CMIP: variants seen among roughly 807,000 people sequenced by gnomAD.
The protein encoded by CMIP is c-Maf inducing protein.
CMIP carries 13 observed loss-of-function variants against 97.3 expected under a neutral mutation model. The ratio of observed to expected loss-of-function variants is 0.13; its 90% confidence interval spans 0.09 to 0.21. The LOEUF is 0.21. CMIP is among the 10% of genes least tolerant of loss of function. CMIP has a pLI of 1.00. For synonymous variants in CMIP, 538 were observed against 436.3 expected, an observed-to-expected ratio of 1.23 and a Z score of -2.91; for missense variants, 847 against 1,024.9, an observed-to-expected ratio of 0.83 and a Z score of 2.37.
At chr16:81,671,560 C>T (rs185923252) in intron 8 of CMIP, among the ~76,000 whole-genome samples, 2 of 152,358 alleles carry the variant, frequency 1.3e-5, no homozygotes, top group East Asian at 1.9e-4. Context: ...GTGAGCATGA[C>T]TGTCCCAGGA....
At chr16:81,535,728 A>G (rs946510722) in intron 1 of CMIP, among the ~76,000 whole-genome samples, 1 of 151,888 alleles carries the variant, frequency 6.6e-6, no homozygotes, top group African/African-American at 2.4e-5. Flanking sequence ...GTGTTCAGAC[A>G]CTCGTTTACA....
intron 1 of CMIP, among the ~76,000 whole-genome samples, chr16:81,498,289 C>T (rs909301186): frequency 2.6e-5 from 4 of 152,252 alleles, no homozygotes; most frequent in Non-Finnish European, 4.4e-5. Context: ...ATGTTGGGGT[C>T]TGTGTCCCTC....
At chr16:81,658,434 C>T (rs78565356) in intron 5 of CMIP, among the ~76,000 whole-genome samples, 18 of 152,324 alleles carry the variant, frequency 1.2e-4, no homozygotes, top group African/African-American at 4.1e-4. Context: ...AGTTCATCAT[C>T]TATTGTAGGA....
At chr16:81,521,796 A>G (rs1343255445) in intron 1 of CMIP, among the ~76,000 whole-genome samples, 1 of 152,198 alleles carries the variant, frequency 6.6e-6, no homozygotes, top group East Asian at 1.9e-4. Flanking sequence ...GTTTTCAAAC[A>G]TAAGATACTT....
intron 16 of CMIP, 23 bp downstream of exon 16, chr16:81,701,823 C>T: frequency 6.2e-7 from 1 of 1,612,512 alleles, no homozygotes; most frequent in Non-Finnish European, 8.5e-7. Context: ...CTGCTCCGGA[C>T]CACTCCCCTG....
intron 14 of CMIP, chr16:81,696,948 A>T (rs78158051): frequency 0.048 from 23,768 of 494,114 alleles, 741 homozygotes; most frequent in Middle Eastern, 0.082. Context: ...GCCCCATTTT[A>T]TACCCAAGGC....
chr16:81,650,272 C>G (rs1347668404), intron 3 of CMIP, among the ~76,000 whole-genome samples: 1 of 152,204 alleles, frequency 6.6e-6, no homozygotes, highest in Admixed American at 6.5e-5. Context: ...CTGGGCTGCC[C>G]TGGCCTCCTC....
At chr16:81,633,074 T>C (rs1048166196) in intron 3 of CMIP, among the ~76,000 whole-genome samples, 2 of 152,132 alleles carry the variant, frequency 1.3e-5, no homozygotes, top group African/African-American at 2.4e-5. Context: ...TACAAGGAAG[T>C]TTTTCATGTA....
At chr16:81,668,188 G>C (rs1298084507) in intron 7 of CMIP, among the ~76,000 whole-genome samples, 2 of 152,108 alleles carry the variant, frequency 1.3e-5, no homozygotes, top group Non-Finnish European at 2.9e-5. Context: ...GGGTACGGAG[G>C]GACAGGTCTG....
rs142760368 is a variant in CMIP, at chr16:81,539,419, C to T, written c.301-68148C>T. On this transcript the variant is annotated intron_variant, in intron 1 of 20. Coordinates refer to ENST00000537098, the MANE Select transcript of CMIP (RefSeq NM_198390.3). The stretch of plus-strand genomic sequence containing the variant: ...CAGGCCCTGCGGGGATGGATGCACA[C>T]AAGGGCCGTTTGAAGCACAGATCTG... Among the ~76,000 whole-genome samples, 547 of 152,312 alleles carry T rather than the reference C, an allele frequency of 3.6e-3. 14 individuals carry two copies. The highest frequency in any genetic ancestry group is 0.032 in the Admixed American group (491 of 15,304).
At chr16:81,465,802 A>T (rs1427503174) in intron 1 of CMIP, among the ~76,000 whole-genome samples, 1 of 152,212 alleles carries the variant, frequency 6.6e-6, no homozygotes, top group Admixed American at 6.5e-5. Context: ...TGGCTCAGAC[A>T]GCAGGGCCCT....
chr16:81,574,981 A>G (rs910049706), intron 1 of CMIP, among the ~76,000 whole-genome samples: 5 of 152,112 alleles, frequency 3.3e-5, no homozygotes, highest in African/African-American at 1.2e-4. Flanking sequence ...TTCCTACCTC[A>G]TTTCATCCTG....
intron 1 of CMIP, among the ~76,000 whole-genome samples, chr16:81,485,448 A>G (rs1323567540): frequency 6.6e-6 from 1 of 152,226 alleles, no homozygotes; most frequent in Non-Finnish European, 1.5e-5. Flanking sequence ...TGAAAATGCA[A>G]ACCAGCTGTG....
chr16:81,597,206 G>A (rs2091571825), intron 1 of CMIP, among the ~76,000 whole-genome samples: 1 of 152,176 alleles, frequency 6.6e-6, no homozygotes, highest in Non-Finnish European at 1.5e-5. Context: ...CAGCAGAGCT[G>A]TCACAAGGTG....
At chr16:81,650,842 A>C (rs1597197221) in intron 3 of CMIP, among the ~76,000 whole-genome samples, 1 of 152,250 alleles carries the variant, frequency 6.6e-6, no homozygotes, top group South Asian at 2.1e-4. Context: ...AGAAGGTGAA[A>C]GTTTTCTAGG....
chr16:81,574,459 G>T (rs1413482909), intron 1 of CMIP, among the ~76,000 whole-genome samples: 1 of 152,274 alleles, frequency 6.6e-6, no homozygotes, highest in Non-Finnish European at 1.5e-5. Flanking sequence ...TCTCAGCTGG[G>T]TACAGCCGTG....
At chr16:81,665,703 C>A (rs2092595789) in intron 7 of CMIP, 1 of 151,708 alleles carries the variant, frequency 6.6e-6, no homozygotes, top group Non-Finnish European at 1.5e-5. Context: ...ACACCATGCC[C>A]CTGAAGAATA....
chr16:81,558,848 G>A (rs1455516142), intron 1 of CMIP, among the ~76,000 whole-genome samples: 6 of 152,270 alleles, frequency 3.9e-5, no homozygotes, highest in South Asian at 4.1e-4. Context: ...TGTTCCTCCC[G>A]CCTGCAGCCA....
intron 1 of CMIP, chr16:81,519,031 C>T (rs1208957056): frequency 6.6e-6 from 1 of 152,246 alleles, no homozygotes; most frequent in Non-Finnish European, 1.5e-5. Context: ...GACGGGGTTT[C>T]ACCGTGTTGG....
Sources: allele counts gnomAD v4.1 joint callset (sites outside exome capture counted in the v4.1 genomes callset), GRCh38; gene constraint gnomAD v4.1.1; transcripts MANE v1.5; gene names NCBI Gene and HGNC (gene_info 2026-07-23, HGNC 2026-07-21).